Variants in FDPS observed in about 807,000 individuals in gnomAD.
FDPS encodes farnesyl diphosphate synthase.
Under a neutral mutation model 49.5 loss-of-function variants are expected in FDPS, and 29 were observed. The ratio of observed to expected loss-of-function variants is 0.59; its 90% CI spans 0.44 to 0.80. The LOEUF is 0.80. Ranked by LOEUF, FDPS falls within the 30% of genes least tolerant of loss-of-function variation. The probability of loss-of-function intolerance (pLI) is 0.00; values close to 1 mark genes in which losing one functional copy is unlikely to be tolerated. For synonymous variants in FDPS, 172 were observed against 206.4 expected (o/e 0.83, Z 1.43); for missense variants, 414 against 525.6 (o/e 0.79, Z 2.08).
In FDPS at chr1:155,310,033, T is replaced by C. The variant is rs1200384300; in HGVS notation, c.177-10T>C. On this transcript the variant is annotated splice_polypyrimidine_tract_variant and intron_variant, in intron 2 of 10. Transcript: ENST00000368356. ...TGATCAGGTTTCTGACTTGTTTTTCTTCTACTTAGAGCCCTTTGCTCCTCC... is the reference window on the plus strand; with the variant it reads ...TGATCAGGTTTCTGACTTGTTTTTCCTCTACTTAGAGCCCTTTGCTCCTCC... 6.2e-7 allele frequency: 1 copy of C among 1,613,060 alleles called. No homozygotes were observed. Among genetic ancestry groups the C allele is most frequent in the Non-Finnish European group, 8.5e-7 (1 of 1,179,986 alleles).
At chr1:155,312,599 G>A in intron 4 of FDPS, 2 of 573,864 alleles carry the variant, frequency 3.5e-6, no homozygotes, top group Non-Finnish European at 6.3e-6. Context: ...GAAGATGGCT[G>A]TAGATAGTTG....
chr1:155,309,854 C>G lies in FDPS; in HGVS notation c.65C>G (p.Pro22Arg), dbSNP rs755260545. 1.3e-6 allele frequency: 2 copies of G among 1,587,808 alleles called. No individual in the cohort carries two copies. Among genetic ancestry groups the G allele is most frequent in the East Asian group, 4.6e-5 (2 of 43,870 alleles). Reference protein sequence around the residue: ...VFLLPAPYWAPRERWLGSLRR... With the variant: ...VFLLPAPYWARRERWLGSLRR... Reference sequence around the variant, plus strand: ...CTGCTGCCAGCCCCCTACTGGGCACCCCGGGAGAGGTGGCTGGGTTCCCTA... The same window carrying G: ...CTGCTGCCAGCCCCCTACTGGGCACGCCGGGAGAGGTGGCTGGGTTCCCTA... Residue 22 changes from proline (P) to arginine (R), a missense_variant, in exon 2 of 11, where the codon CCC becomes CGC. Pro to Arg is a moderately radical substitution (Grantham distance 103). Coordinates refer to ENST00000368356, the MANE Select transcript of FDPS (RefSeq NM_002004.4).
Position 155,319,642 on chromosome 1 carries a change from A to G in FDPS, c.878A>G (p.Asn293Ser). The G allele has an allele frequency of 6.2e-7, 1 of 1,614,264 alleles. No individual in the cohort carries two copies. The change falls in exon 9 of 11, where the codon AAT becomes AGT. Residue 293 changes from asparagine to serine, a missense_variant. Physicochemically the swap from Asn to Ser is conservative, Grantham distance 46. Transcript: ENST00000368356. ...AGIDGEKEHA[N>S]AKKILLEMGE... ...ATTGATGGCGAGAAGGAGCACGCCA[A>G]TGCCAAGAAGATCCTGCTGGAGATG...
chr1:155,318,789 G>A lies in FDPS; in HGVS notation c.773+36G>A. On this transcript the variant is annotated intron_variant, in intron 7 of 10. Coordinates refer to ENST00000368356, the MANE Select transcript of FDPS (RefSeq NM_002004.4). This position sits in a 1 kb window ranked among gnomAD's most constrained non-coding sequence, Gnocchi z 4.2. ...GTGAGGGACAGCGCGAACCATGTCT[G>A]GACAGCGAGGGAGGGCTCAGGATGT... 1.9e-6 allele frequency: 3 copies of A among 1,591,070 alleles called. No homozygotes were observed. The South Asian group carries it at 3.3e-5, about 18-fold the overall frequency.
At chr1:155,312,463 G>T in intron 4 of FDPS, 68 bp downstream of exon 4, 37 of 1,232,956 alleles carry the variant, frequency 3.0e-5, no homozygotes, top group Non-Finnish European at 3.8e-5. Context: ...GAAGGGGAGG[G>T]ATGGGCCTGA....
intron 4 of FDPS, among the ~76,000 whole-genome samples, chr1:155,315,707 CAA>C (rs929674291): frequency 7.6e-5 from 11 of 144,322 alleles, no homozygotes; most frequent in Non-Finnish European, 1.2e-4. Flanking sequence ...AAACAAAAAA[CAA>C]AAAAAAAATT....
intron 8 of FDPS, 81 bp from the exon 9 acceptor site, chr1:155,319,530 G>A (rs1246772803): frequency 6.9e-6 from 10 of 1,444,962 alleles, no homozygotes; most frequent in Non-Finnish European, 9.7e-6. Flanking sequence ...GCTGCAGTAG[G>A]GCAAGACCCC....
chr1:155,311,149 T>C (rs1648759993), intron 3 of FDPS, among the ~76,000 whole-genome samples: 1 of 151,798 alleles, frequency 6.6e-6, no homozygotes, highest in African/African-American at 2.4e-5. Flanking sequence ...ACCAGCCTGG[T>C]CAACATGGTG....
intron 3 of FDPS, 172 bp downstream of exon 3, chr1:155,310,377 C>A: frequency 1.7e-6 from 1 of 598,172 alleles, no homozygotes; most frequent in Non-Finnish European, 2.9e-6. Flanking sequence ...ATGGTGTGAT[C>A]TCGGCTTGCT....
intron 4 of FDPS, chr1:155,317,064 AATGTTTAAAG>A (rs373665555): frequency 2.0e-4 from 31 of 152,266 alleles, no homozygotes; most frequent in African/African-American, 7.2e-4. Context: ...GCCCTTAGTT[AATGTTTAAAG>A]ATGTTTAAAG....
At chr1:155,310,700 T>C (rs1483742141) in intron 3 of FDPS, among the ~76,000 whole-genome samples, 2 of 152,176 alleles carry the variant, frequency 1.3e-5, no homozygotes, top group Non-Finnish European at 2.9e-5. Context: ...ACCGGACTTT[T>C]GGCTCTGATG....
In FDPS at chr1:155,315,154, G is replaced by A. The variant is rs1403822172; in HGVS notation, c.480+2759G>A. On this transcript the variant is annotated intron_variant, in intron 4 of 10. Transcript: ENST00000368356. ...GTGATTGCAACGGTCCTTTCCCCACGGCCCATGCTGGGCTCTGGCAGGCGG... is the reference window on the plus strand; with the variant it reads ...GTGATTGCAACGGTCCTTTCCCCACAGCCCATGCTGGGCTCTGGCAGGCGG... Among the ~76,000 whole-genome samples, 6 of 152,204 alleles carry A rather than the reference G, an allele frequency of 3.9e-5. No homozygotes were observed. In the South Asian group the frequency reaches 8.3e-4, roughly 21 times the overall value.
chr1:155,315,128 A>G (rs1649187387), intron 4 of FDPS, among the ~76,000 whole-genome samples: 1 of 152,248 alleles, frequency 6.6e-6, no homozygotes, highest in Non-Finnish European at 1.5e-5. Context: ...CTATAACAGC[A>G]GTGATTGCAA....
At chr1:155,317,756 A>T in intron 4 of FDPS, 185 bp from the exon 5 acceptor site, 1 of 558,918 alleles carries the variant, frequency 1.8e-6, no homozygotes, top group Non-Finnish European at 3.2e-6. Flanking sequence ...AAGTGGGAGG[A>T]TCACTTGAGC....
chr1:155,319,736 C>T (rs765626045), intron 9 of FDPS, 48 bp downstream of exon 9: 2 of 1,614,010 alleles, frequency 1.2e-6, no homozygotes, highest in South Asian at 2.2e-5. Flanking sequence ...AGCTTCACTC[C>T]TCCTCTGCCC....
intron 8 of FDPS, 58 bp from the exon 9 acceptor site, chr1:155,319,553 A>T: frequency 6.3e-7 from 1 of 1,577,004 alleles, no homozygotes; most frequent in Non-Finnish European, 8.7e-7. Flanking sequence ...GGGAGGAAGC[A>T]GCCAGGAAGA....
At chr1:155,319,771 C>T in intron 9 of FDPS, 23 bp from the exon 10 acceptor site, 2 of 1,614,048 alleles carry the variant, frequency 1.2e-6, no homozygotes, top group South Asian at 1.1e-5. Context: ...TCCTCTTTTG[C>T]TGCCCTCCCC....
rs537381765 is a variant in FDPS at position 155,310,297 on chromosome 1, C to T, written c.339+92C>T. ...CCTGTGGCTTATGGGGGACTTTTGA[C>T]AGATGTGAGAGAAAGCTTTTTTTTT... On this transcript the variant is annotated intron_variant, in intron 3 of 10. Transcript: ENST00000368356. 9 of 1,148,704 alleles carry T rather than the reference C, an allele frequency of 7.8e-6. No homozygotes were observed. The South Asian group carries it at 1.1e-4, about 14-fold the overall frequency. The allele number at this position is 1,148,704 out of a possible 1,614,324, so 71.2% of individuals were successfully genotyped here. A position where few individuals can be genotyped will look rare whatever the true frequency, so the allele number is the denominator to read the frequency against.
At chr1:155,312,602 G>C in intron 4 of FDPS, 2 of 574,638 alleles carry the variant, frequency 3.5e-6, no homozygotes, top group South Asian at 4.0e-5. Flanking sequence ...GATGGCTGTA[G>C]ATAGTTGTAG....
Sources: gnomAD v4.1 joint callset for allele counts (sites outside exome capture counted in the v4.1 genomes callset) on GRCh38, gnomAD v4.1.1 for gene constraint, Gnocchi (gnomAD v3.1) non-coding constraint, MANE v1.5 for transcripts, NCBI Gene and HGNC (gene_info 2026-07-23, HGNC 2026-07-21) for gene names.